The following ACTR8 variants were observed in gnomAD, a reference collection of about 807,000 sequenced individuals.
ACTR8 encodes the protein actin-related protein 8.
In ACTR8, 70 loss-of-function variants were observed where a neutral mutation model predicts 84.3. The ratio of observed to expected loss-of-function variants is 0.83; its 90% CI spans 0.68 to 1.01. ACTR8 has a LOEUF of 1.01. Ranked by LOEUF, ACTR8 falls within the 50% of genes least tolerant of loss-of-function variation. The probability of loss-of-function intolerance (pLI) is 0.00; values close to 1 mark genes in which losing one functional copy is unlikely to be tolerated. For synonymous variants in ACTR8, 268 were observed against 275.2 expected, an observed-to-expected ratio of 0.97 and a Z score of 0.26; for missense variants, 672 against 775.4, an observed-to-expected ratio of 0.87 and a Z score of 1.58.
At chr3:53,881,719 C>T in intron 1 of ACTR8, 3 of 578,966 alleles carry the variant, frequency 5.2e-6, no homozygotes, top group Admixed American at 3.1e-5. Context: ...CAGGAGCGCA[C>T]ACAACCAGAC....
chr3:53,875,087 T>C (rs1189401771), intron 7 of ACTR8, among the ~76,000 whole-genome samples: 1 of 152,200 alleles, frequency 6.6e-6, no homozygotes, highest in Non-Finnish European at 1.5e-5. Flanking sequence ...TTTCTACAAT[T>C]TGGGAAGACA....
intron 6 of ACTR8, 99 bp from the exon 7 acceptor site, chr3:53,876,179 G>C: frequency 7.0e-7 from 1 of 1,430,126 alleles, no homozygotes; most frequent in African/African-American, 1.4e-5. Flanking sequence ...AGGGACCTCT[G>C]GGCAGGGCAT....
chr3:53,865,954 TAA>T (rs1454677112), downstream of ACTR8, among the ~76,000 whole-genome samples: 1 of 152,272 alleles, frequency 6.6e-6, no homozygotes, highest in Admixed American at 6.5e-5. Flanking sequence ...TACTTTTGCC[TAA>T]AGTTACCTAT....
At position 53,870,018 on chromosome 3, in the gene ACTR8, T is replaced by C; in HGVS notation, c.1695A>G (p.Arg565=). 2 of 1,614,202 alleles carry C rather than the reference T, an allele frequency of 1.2e-6. No individual in the cohort carries two copies. Among genetic ancestry groups the C allele is most frequent in the Non-Finnish European group, 1.7e-6 (2 of 1,180,030 alleles). ...TGATCACATCCACATTTTCAATAAT[T>C]CGCCTGAAGGATGGTGGCATTTTGT... ...ILNKMPPSFR[R]IIENVDVITR... The change falls in exon 12 of 13, where the codon CGA becomes CGG. Residue 565 remains arginine, a synonymous_variant. Coordinates refer to ENST00000335754, the MANE Select transcript of ACTR8 (RefSeq NM_022899.5). This position sits in a 1 kb window ranked among gnomAD's most constrained non-coding sequence, Gnocchi z 4.1.
chr3:53,871,265 C>G lies in ACTR8; in HGVS notation c.1534G>C (p.Asp512His). The change falls in exon 11 of 13, where the codon GAT becomes CAT. Residue 512 changes from aspartate (D) to histidine (H), a missense_variant. Transcript: ENST00000335754. ...TCTATGCTATGGAGGATGGCTTTAT[C>G]CAGGCCCAGGGCTTTTCCTTCAAAC... ...SLFEGKALGL[D>H]KAILHSIDCC... The G allele has an allele frequency of 6.2e-7, 1 of 1,614,218 alleles. No individual in the cohort carries two copies. The highest frequency in any genetic ancestry group is 8.5e-7 in the Non-Finnish European group (1 of 1,180,018).
rs753518507 is a variant in ACTR8, at chr3:53,872,509, A to G, written c.1177T>C (p.Phe393Leu). 5 of 1,608,922 alleles carry G rather than the reference A, an allele frequency of 3.1e-6. No homozygotes were observed. The highest frequency in any genetic ancestry group is 3.4e-6 in the Non-Finnish European group (4 of 1,178,390). ...ACGATTCCAAAAGTTGCGGGGTAAA[A>G]CAAAGCCATTGGAGCCTGTACATGA... ...DEKLQAPMAL[F>L]YPATFGIVGQ... The change falls in exon 10 of 13, where the codon TTT becomes CTT. Residue 393 changes from phenylalanine (F) to leucine (L), a missense_variant. Physicochemically the swap from Phe to Leu is conservative, Grantham distance 22. Coordinates refer to ENST00000335754, the MANE Select transcript of ACTR8 (RefSeq NM_022899.5).
rs568588892 is a variant in ACTR8 at position 53,867,594 on chromosome 3, C to T, written c.*1125G>A. On this transcript the variant is annotated 3_prime_UTR_variant, in exon 13 of 13. Transcript: ENST00000335754. ...CTTTTGTCCTTCCCCAGTCTCACCC[C>T]CATCTCTAGCCATGGTAAGTGAGAT... 1 of 152,348 alleles carries T rather than the reference C, an allele frequency of 6.6e-6. No individual in the cohort carries two copies. The highest frequency in any genetic ancestry group is 2.1e-4 in the South Asian group (1 of 4,822). The allele number at this position is 152,348 out of a possible 1,614,324, so 9.4% of individuals were successfully genotyped here. A position where few individuals can be genotyped will look rare whatever the true frequency, so the allele number is the denominator to read the frequency against.
chr3:53,871,690 C>T (rs1476639859), intron 10 of ACTR8, among the ~76,000 whole-genome samples, 194 bp from the exon 11 acceptor site: 3 of 152,176 alleles, frequency 2.0e-5, no homozygotes, highest in Non-Finnish European at 4.4e-5. Context: ...TTGACCATTC[C>T]AAAGCAAGGT....
At chr3:53,871,549 T>A in intron 10 of ACTR8, 53 bp from the exon 11 acceptor site, 1 of 1,588,516 alleles carries the variant, frequency 6.3e-7, no homozygotes, top group Non-Finnish European at 8.6e-7. Context: ...CAGAACACTA[T>A]TGATGTTGTC....
chr3:53,880,190 A>G, intron 1 of ACTR8, 81 bp from the exon 2 acceptor site: 2 of 1,392,716 alleles, frequency 1.4e-6, no homozygotes, highest in Non-Finnish European at 2.0e-6. Context: ...ATAACAAGCT[A>G]AACTAAGAAG....
Position 53,876,713 on chromosome 3 carries a change from A to G in ACTR8, c.685T>C (p.Tyr229His). The G allele has an allele frequency of 6.9e-7, 1 of 1,452,400 alleles. No individual in the cohort carries two copies. Among genetic ancestry groups the G allele is most frequent in the Non-Finnish European group, 9.5e-7 (1 of 1,052,558 alleles). 90.0% of individuals were successfully genotyped at this position (1,452,400 alleles called of 1,614,324 possible). ...YLEIPLKDLK[Y>H]YRCILLIPDI... is the part of the protein sequence containing the mutation. ...GGAATTAACAAGATACATCTATAAT[A>G]CTAAAAAGAAGAACAAAGATAAAAG... The change falls in exon 6 of 13, where the codon TAT (tyrosine) becomes CAT (histidine). Residue 229 changes from tyrosine to histidine, a missense_variant and splice_region_variant. Coordinates refer to ENST00000335754, the MANE Select transcript of ACTR8 (RefSeq NM_022899.5).
downstream of ACTR8, among the ~76,000 whole-genome samples, chr3:53,866,694 G>C (rs1699793113): frequency 6.6e-6 from 1 of 152,124 alleles, no homozygotes; most frequent in Non-Finnish European, 1.5e-5. Context: ...TGTTAGCCAG[G>C]ATGGTCTTGA....
At chr3:53,871,558 T>G (rs1699884611) in intron 10 of ACTR8, 62 bp from the exon 11 acceptor site, 1 of 1,570,200 alleles carries the variant, frequency 6.4e-7, no homozygotes, top group Non-Finnish European at 8.7e-7. Context: ...ATTGATGTTG[T>G]CTAGCTAGAT....
At chr3:53,879,806 A>C (rs1303563395) in intron 2 of ACTR8, 133 bp downstream of exon 2, 1 of 936,014 alleles carries the variant, frequency 1.1e-6, no homozygotes, top group Middle Eastern at 3.1e-4. Flanking sequence ...CTGATGAAAA[A>C]TTAGTGACAT....
chr3:53,865,419 A>ATT, downstream of ACTR8: 1 of 788,304 alleles, frequency 1.3e-6, no homozygotes, highest in Non-Finnish European at 1.9e-6. Context: ...AGCCTTAGTA[A>ATT]TTAAAACATT....
rs959695019 is a variant in ACTR8, at chr3:53,867,804, G to A, written c.*915C>T. The stretch of plus-strand genomic sequence containing the variant: ...GCTGCATTATTTAGATTTTGCTTCA[G>A]GATGCTCAGAGGTTAAGGTTAACTG... On this transcript the variant is annotated 3_prime_UTR_variant, in exon 13 of 13. Transcript: ENST00000335754. 1 of 152,148 alleles carries A rather than the reference G, an allele frequency of 6.6e-6. No individual in the cohort carries two copies. The highest frequency in any genetic ancestry group is 1.5e-5 in the Non-Finnish European group (1 of 68,026). 9.4% of individuals were successfully genotyped at this position (152,148 alleles called of 1,614,324 possible).
At position 53,867,340 on chromosome 3, in the gene ACTR8, TAAC is replaced by T. The variant is rs1297778032; in HGVS notation, c.*1376_*1378del. 6.6e-6 allele frequency: 1 copy of T among 152,218 alleles called. No individual in the cohort carries two copies. The highest frequency in any genetic ancestry group is 1.5e-5 in the Non-Finnish European group (1 of 68,044). 9.4% of individuals were successfully genotyped at this position (152,218 alleles called of 1,614,324 possible). On this transcript the variant is annotated 3_prime_UTR_variant, in exon 13 of 13. Coordinates refer to ENST00000335754, the MANE Select transcript of ACTR8 (RefSeq NM_022899.5). Reference sequence around the variant, plus strand: ...TCAATACTCTATAAATTAATGCTGTTAACAAATTTAAAAAATAAAACATACAAT... The same window carrying T: ...TCAATACTCTATAAATTAATGCTGTTAAATTTAAAAAATAAAACATACAAT...
intron 4 of ACTR8, 91 bp from the exon 5 acceptor site, chr3:53,877,478 T>C: frequency 7.1e-7 from 1 of 1,404,266 alleles, no homozygotes; most frequent in Non-Finnish European, 9.6e-7. Flanking sequence ...TAACGTTTGC[T>C]GAATGTGAGA....
Position 53,876,718 on chromosome 3 carries a change from AAAG to A in ACTR8, c.685-8_685-6del, listed in dbSNP as rs777092812. ...TAACAAGATACATCTATAATACTAA[AAAG>A]AAGAACAAAGATAAAAGGGTTAGCA... is the stretch of plus-strand genomic sequence containing the variant. On this transcript the variant is annotated splice_region_variant and splice_polypyrimidine_tract_variant and intron_variant, in intron 5 of 12. Transcript: ENST00000335754. The A allele has an allele frequency of 2.8e-6, 4 of 1,412,046 alleles. No individual in the cohort carries two copies. Among genetic ancestry groups the A allele is most frequent in the Admixed American group, 4.1e-5 (2 of 48,772 alleles). 87.5% of individuals were successfully genotyped at this position (1,412,046 alleles called of 1,614,324 possible). A position where few individuals can be genotyped will look rare whatever the true frequency, so the allele number is the denominator to read the frequency against.
Sources: gnomAD v4.1 joint callset for allele counts (sites outside exome capture counted in the v4.1 genomes callset) on GRCh38, gnomAD v4.1.1 for gene constraint, Gnocchi (gnomAD v3.1) non-coding constraint, MANE v1.5 for transcripts, NCBI Gene and HGNC (gene_info 2026-07-23, HGNC 2026-07-21) for gene names.